The following KLHL29 variants were observed in gnomAD, a reference collection of about 807,000 sequenced individuals.
KLHL29 encodes kelch-like protein 29.
KLHL29 carries 21 observed loss-of-function variants against 80.4 expected under a neutral mutation model. That is an observed-to-expected ratio of 0.26 (90% CI 0.19 to 0.38). KLHL29 has a LOEUF of 0.38. Among genes scored for constraint, KLHL29 ranks in the 10% least tolerant of loss-of-function variants. KLHL29 has a pLI of 1.00. For missense variants in KLHL29, 867 were observed against 1,223.9 expected, an observed-to-expected ratio of 0.71 and a Z score of 4.35; for synonymous variants, 511 against 526.8, an observed-to-expected ratio of 0.97 and a Z score of 0.41.
At chr2:23,632,627 C>T (rs1008926938) in intron 3 of KLHL29, among the ~76,000 whole-genome samples, 11 of 152,184 alleles carry the variant, frequency 7.2e-5, no homozygotes, top group African/African-American at 1.9e-4. Flanking sequence ...CAGAGGTGCC[C>T]GCAACAAATG....
chr2:23,495,686 G>A (rs574430515), intron 2 of KLHL29, among the ~76,000 whole-genome samples: 45 of 152,276 alleles, frequency 3.0e-4, no homozygotes, highest in Middle Eastern at 6.8e-3. Context: ...CGAGAGTGAC[G>A]GCCCCTCCTG....
intron 1 of KLHL29, among the ~76,000 whole-genome samples, chr2:23,448,006 C>G (rs1389909050): frequency 3.3e-5 from 5 of 152,088 alleles, no homozygotes; most frequent in Admixed American, 2.0e-4. Context: ...TGTCATATGA[C>G]TGTCAGGATA....
At chr2:23,497,618 C>A (rs1402067125) in intron 2 of KLHL29, among the ~76,000 whole-genome samples, 1 of 152,146 alleles carries the variant, frequency 6.6e-6, no homozygotes, top group African/African-American at 2.4e-5. Context: ...AGGGAGGGAG[C>A]AAAGGGCTGG....
At chr2:23,532,941 G>A (rs1666542857) in intron 2 of KLHL29, among the ~76,000 whole-genome samples, 1 of 152,108 alleles carries the variant, frequency 6.6e-6, no homozygotes, top group South Asian at 2.1e-4. Context: ...AGCTCAGCTG[G>A]CGGTGAGAAA....
chr2:23,597,407 ATTTTTTTTTTTTT>A (rs869224319), intron 3 of KLHL29, among the ~76,000 whole-genome samples: 1 of 24,716 alleles, frequency 4.0e-5, no homozygotes. Flanking sequence ...ATATATATAT[ATTTTTTTTTTTTT>A]TTTTTTTTTT....
intron 1 of KLHL29, among the ~76,000 whole-genome samples, chr2:23,386,142 C>T (rs1269908376): frequency 6.6e-6 from 1 of 152,050 alleles, no homozygotes; most frequent in East Asian, 1.9e-4. Flanking sequence ...GCGCGCGCCC[C>T]TCTCCAGGCC....
intron 2 of KLHL29, among the ~76,000 whole-genome samples, chr2:23,516,948 C>T (rs1201526997): frequency 2.0e-5 from 3 of 152,250 alleles, no homozygotes; most frequent in Non-Finnish European, 4.4e-5. Context: ...ACAGGGGAGG[C>T]AGCGTGGGCT....
intron 4 of KLHL29, among the ~76,000 whole-genome samples, chr2:23,639,601 G>A (rs907765292): frequency 9.2e-5 from 14 of 152,058 alleles, no homozygotes; most frequent in African/African-American, 2.4e-5. Context: ...CAAATTTCTC[G>A]AGTCATGCCT....
intron 1 of KLHL29, among the ~76,000 whole-genome samples, chr2:23,414,007 G>C (rs1572493111): frequency 1.3e-5 from 2 of 152,226 alleles, no homozygotes; most frequent in East Asian, 3.8e-4. Flanking sequence ...CCCCATGCCT[G>C]AGCTTCTTAG....
intron 1 of KLHL29, among the ~76,000 whole-genome samples, chr2:23,445,863 A>G (rs990965573): frequency 6.6e-6 from 1 of 152,074 alleles, no homozygotes; most frequent in African/African-American, 2.4e-5. Context: ...CATTTTTTTC[A>G]TAGGTCTAAG....
intron 3 of KLHL29, among the ~76,000 whole-genome samples, chr2:23,627,690 G>T (rs1669352192): frequency 6.6e-6 from 1 of 151,084 alleles, no homozygotes; most frequent in South Asian, 2.1e-4. Context: ...CTCTTGTTAG[G>T]TGTCTAATAA....
At chr2:23,529,306 G>A (rs1293010969) in intron 2 of KLHL29, among the ~76,000 whole-genome samples, 1 of 151,996 alleles carries the variant, frequency 6.6e-6, no homozygotes, top group Non-Finnish European at 1.5e-5. Flanking sequence ...TAGAGATGGG[G>A]GTCTTGCTAT....
intron 1 of KLHL29, among the ~76,000 whole-genome samples, chr2:23,400,413 T>C (rs1666571633): frequency 6.6e-6 from 1 of 152,180 alleles, no homozygotes; most frequent in African/African-American, 2.4e-5. Flanking sequence ...GTGACTTGGC[T>C]CTCTCTGCTG....
At chr2:23,655,217 C>T (rs768870560) in intron 5 of KLHL29, among the ~76,000 whole-genome samples, 2 of 152,166 alleles carry the variant, frequency 1.3e-5, no homozygotes, top group African/African-American at 4.8e-5. Flanking sequence ...AGTCAGGCGG[C>T]CCTGGGGAGT....
chr2:23,617,250 T>G (rs1049815299), intron 3 of KLHL29: 1 of 152,202 alleles, frequency 6.6e-6, no homozygotes, highest in Non-Finnish European at 1.5e-5. Flanking sequence ...GCAGAGAAGC[T>G]TCCCTGTGCT....
chr2:23,513,661 C>T (rs1464798759), intron 2 of KLHL29, among the ~76,000 whole-genome samples: 1 of 152,158 alleles, frequency 6.6e-6, no homozygotes, highest in East Asian at 1.9e-4. Flanking sequence ...CAGCTGGTTA[C>T]GAGTCTCCTC....
intron 2 of KLHL29, among the ~76,000 whole-genome samples, chr2:23,480,449 T>C (rs1341287058): frequency 6.6e-6 from 1 of 151,864 alleles, no homozygotes; most frequent in Non-Finnish European, 1.5e-5. Flanking sequence ...ATCGCACCAC[T>C]GCACCACTCC....
At chr2:23,581,120 C>T (rs1288148787) in intron 3 of KLHL29, among the ~76,000 whole-genome samples, 6 of 151,792 alleles carry the variant, frequency 4.0e-5, no homozygotes, top group East Asian at 3.9e-4. Flanking sequence ...GACTCACATC[C>T]GAGAAAATAA....
intron 1 of KLHL29, among the ~76,000 whole-genome samples, chr2:23,460,432 A>G (rs891485437): frequency 6.6e-6 from 1 of 152,136 alleles, no homozygotes; most frequent in African/African-American, 2.4e-5. Flanking sequence ...GGGGGAAGGG[A>G]TGCTACTGGC....
Sources: allele counts gnomAD v4.1 joint callset (sites outside exome capture counted in the v4.1 genomes callset), GRCh38; gene constraint gnomAD v4.1.1; transcripts MANE v1.5; gene names NCBI Gene and HGNC (gene_info 2026-07-23, HGNC 2026-07-21).